WWOX: variants seen among roughly 807,000 people sequenced by gnomAD.
The protein encoded by WWOX is WW domain-containing oxidoreductase.
A neutral mutation model predicts 46.2 loss-of-function variants in WWOX; 69 were observed. The ratio of observed to expected loss-of-function variants is 1.49; its 90% CI spans 1.23 to 1.82. The LOEUF (loss-of-function observed/expected upper bound fraction) is 1.82, where lower values mean the gene tolerates loss of function less well. Ranked by LOEUF, WWOX falls within the 40% of genes most tolerant of loss-of-function variation. WWOX has a pLI of 0.00. For missense variants in WWOX, 919 were observed against 542.6 expected (o/e 1.69, Z -6.89); for synonymous variants, 359 against 202.6 (o/e 1.77, Z -6.56).
At chr16:78,175,015 A>AATAGTAATC (rs2035289181) in intron 5 of WWOX, among the ~76,000 whole-genome samples, 3 of 146,398 alleles carry the variant, frequency 2.0e-5, no homozygotes, top group Non-Finnish European at 3.0e-5. Flanking sequence ...TAATAATAAT[A>AATAGTAATC]ATAATAATAA....
chr16:78,351,459 G>C (rs1004011316), intron 5 of WWOX, among the ~76,000 whole-genome samples: 2 of 152,146 alleles, frequency 1.3e-5, no homozygotes, highest in Non-Finnish European at 2.9e-5. Context: ...GGGTGAGGGG[G>C]GATATCATAT....
intron 5 of WWOX, among the ~76,000 whole-genome samples, chr16:78,187,695 G>GT (rs2151760252): frequency 6.6e-6 from 1 of 152,330 alleles, no homozygotes; most frequent in South Asian, 2.1e-4. Context: ...GTGACATTGT[G>GT]TAACAGAAAT....
intron 8 of WWOX, among the ~76,000 whole-genome samples, chr16:78,578,280 A>ATTTTTTTTTTTTT (rs1433554555): frequency 1.1e-4 from 4 of 35,436 alleles, no homozygotes; most frequent in African/African-American, 5.6e-4. Flanking sequence ...ATATATATAT[A>ATTTTTTTTTTTTT]TATATTTTTT....
chr16:78,506,097 G>T (rs2085196436), intron 8 of WWOX, among the ~76,000 whole-genome samples: 1 of 152,250 alleles, frequency 6.6e-6, no homozygotes, highest in South Asian at 2.1e-4. Context: ...TTGGCCAGCA[G>T]GGGCTGCCTG....
chr16:79,044,222 G>C (rs2048025498), intron 8 of WWOX, among the ~76,000 whole-genome samples: 1 of 152,172 alleles, frequency 6.6e-6, no homozygotes, highest in Admixed American at 6.5e-5. Context: ...CGCTCTTCAG[G>C]GAGAAGGAAA....
At chr16:79,062,147 A>C (rs1347329333) in intron 8 of WWOX, among the ~76,000 whole-genome samples, 2 of 152,200 alleles carry the variant, frequency 1.3e-5, no homozygotes, top group African/African-American at 4.8e-5. Context: ...ACTGAAGGTT[A>C]GGGAGACTGG....
Position 78,340,919 on chromosome 16 carries a change from A to G in WWOX, c.517-45941A>G, listed in dbSNP as rs191624542. Among the ~76,000 whole-genome samples, 70 of 119,258 alleles carry G rather than the reference A, an allele frequency of 5.9e-4. 11 individuals are homozygous for G. Among genetic ancestry groups the G allele is most frequent in the African/African-American group, 1.9e-3 (66 of 35,080 alleles). The allele number at this position is 119,258 out of a possible 152,430, so 78.2% of individuals were successfully genotyped here. A position where few individuals can be genotyped will look rare whatever the true frequency, so the allele number is the denominator to read the frequency against. ...AAACTTCTGTCATTTTTCTGGAGTT[A>G]TGAAATGATGGTATCCTGCTGGGCT... On this transcript the variant is annotated intron_variant, in intron 5 of 8. Coordinates refer to ENST00000566780, the MANE Select transcript of WWOX (RefSeq NM_016373.4).
rs1217780370 is a variant in WWOX, at chr16:78,985,413, TCA to T, written c.1057-226193_1057-226192del. Reference sequence around the variant, plus strand: ...AGTGTCAGGGTCCCCGTGCCATGAATCACTTCACATCTCTGGCTAGTACAGAT... The same window carrying T: ...AGTGTCAGGGTCCCCGTGCCATGAATCTTCACATCTCTGGCTAGTACAGAT... On this transcript the variant is annotated intron_variant, in intron 8 of 8. Transcript: ENST00000566780. Among the ~76,000 whole-genome samples the T allele has an allele frequency of 5.4e-3, 829 of 152,298 alleles. 14 individuals are homozygous for T. The highest frequency in any genetic ancestry group is 0.019 in the African/African-American group (783 of 41,562).
At chr16:78,604,066 C>G (rs1489578232) in intron 8 of WWOX, among the ~76,000 whole-genome samples, 1 of 152,058 alleles carries the variant, frequency 6.6e-6, no homozygotes, top group African/African-American at 2.4e-5. Context: ...ATCGCTTGAG[C>G]CCGGGAGGTG....
At chr16:78,290,560 G>A (rs966358149) in intron 5 of WWOX, among the ~76,000 whole-genome samples, 9 of 152,114 alleles carry the variant, frequency 5.9e-5, no homozygotes, top group Non-Finnish European at 5.9e-5. Context: ...GTGTAGAGTG[G>A]TCAGTCTAAA....
intron 5 of WWOX, among the ~76,000 whole-genome samples, chr16:78,289,056 G>A (rs1303274403): frequency 6.6e-6 from 1 of 152,160 alleles, no homozygotes; most frequent in African/African-American, 2.4e-5. Flanking sequence ...CTGGTAGAGC[G>A]AGAGTCAGGG....
chr16:78,672,323 C>G (rs1395168978), intron 8 of WWOX, among the ~76,000 whole-genome samples: 1 of 152,184 alleles, frequency 6.6e-6, no homozygotes, highest in Non-Finnish European at 1.5e-5. Flanking sequence ...ATACAGCTCT[C>G]AAGGCGGAAG....
intron 5 of WWOX, chr16:78,278,554 G>T: frequency 6.4e-7 from 1 of 1,555,616 alleles, no homozygotes; most frequent in Non-Finnish European, 8.8e-7. Flanking sequence ...GTTCTATGTT[G>T]TTCTCATAAC....
rs1022967097 is a variant in WWOX at position 78,349,071 on chromosome 16, G to A, written c.517-37789G>A. ...AAATACATTTTCTCATAGTTGTGGAGCCTAGAATTCCAAGGTCAAGGTTCC... is the reference window on the plus strand; with the variant it reads ...AAATACATTTTCTCATAGTTGTGGAACCTAGAATTCCAAGGTCAAGGTTCC... On this transcript the variant is annotated intron_variant, in intron 5 of 8. Coordinates refer to ENST00000566780, the MANE Select transcript of WWOX (RefSeq NM_016373.4). 6.6e-5 allele frequency among the ~76,000 whole-genome samples: 8 copies of A among 120,442 alleles called. 1 individual carries two copies. The highest frequency in any genetic ancestry group is 6.4e-4 in the Admixed American group (8 of 12,404). 79.0% of individuals were successfully genotyped at this position (120,442 alleles called of 152,430 possible). A position where few individuals can be genotyped will look rare whatever the true frequency, so the allele number is the denominator to read the frequency against.
chr16:78,953,171 G>A (rs766915513), intron 8 of WWOX, among the ~76,000 whole-genome samples: 6 of 152,006 alleles, frequency 3.9e-5, no homozygotes, highest in South Asian at 2.1e-4. Flanking sequence ...AAGTTCAGCC[G>A]TGGTTCTGAC....
intron 8 of WWOX, among the ~76,000 whole-genome samples, chr16:79,108,882 CAG>C (rs1019590704): frequency 2.6e-5 from 4 of 151,462 alleles, no homozygotes; most frequent in African/African-American, 9.7e-5. Flanking sequence ...GCATACGTGA[CAG>C]AGCAAGACCT....
chr16:78,828,477 C>T (rs1433173628), intron 8 of WWOX, among the ~76,000 whole-genome samples: 2 of 151,940 alleles, frequency 1.3e-5, no homozygotes, highest in African/African-American at 4.8e-5. Flanking sequence ...GGGGTGTCTA[C>T]CATCTAAAGT....
chr16:78,431,380 G>C (rs929804610), intron 7 of WWOX, among the ~76,000 whole-genome samples: 1 of 152,048 alleles, frequency 6.6e-6, no homozygotes, highest in Non-Finnish European at 1.5e-5. Flanking sequence ...TTTTAATCTA[G>C]AAAAGAGTCT....
At chr16:78,835,877 T>C (rs1164437059) in intron 8 of WWOX, among the ~76,000 whole-genome samples, 4 of 152,338 alleles carry the variant, frequency 2.6e-5, no homozygotes, top group Admixed American at 2.6e-4. Flanking sequence ...TTTTTTTGTT[T>C]CTGACTTTTT....
Sources: allele counts gnomAD v4.1 joint callset (sites outside exome capture counted in the v4.1 genomes callset), GRCh38; gene constraint gnomAD v4.1.1; transcripts MANE v1.5; gene names NCBI Gene and HGNC (gene_info 2026-07-23, HGNC 2026-07-21).